MAP4: variants seen among roughly 807,000 people sequenced by gnomAD.
MAP4 encodes the protein microtubule associated protein 4.
Under a neutral mutation model 170.2 loss-of-function variants are expected in MAP4, and 76 were observed. The ratio of observed to expected loss-of-function variants is 0.45; its 90% confidence interval spans 0.37 to 0.54. The LOEUF (loss-of-function observed/expected upper bound fraction) is 0.54, where lower values mean the gene tolerates loss of function less well. MAP4 is among the 20% of genes least tolerant of loss of function. The pLI is 0.00. For missense variants in MAP4, 2,506 were observed against 2,748.0 expected (o/e 0.91, Z 1.97); for synonymous variants, 909 against 994.5 (o/e 0.91, Z 1.62).
intron 1 of MAP4, among the ~76,000 whole-genome samples, chr3:48,056,540 C>T (rs1159967676): frequency 4.7e-5 from 4 of 84,370 alleles, no homozygotes; most frequent in African/African-American, 3.0e-4. Context: ...AGGTGAGGGG[C>T]GCCTCTGCCC....
intron 10 of MAP4, among the ~76,000 whole-genome samples, chr3:47,888,505 G>C (rs1397090209): frequency 6.6e-6 from 1 of 151,870 alleles, no homozygotes; most frequent in African/African-American, 2.4e-5. Flanking sequence ...TCACTGCCAA[G>C]GTCTGCAGCT....
intron 2 of MAP4, 31 bp from the exon 3 acceptor site, chr3:47,977,964 G>A (rs1258363700): frequency 6.8e-7 from 1 of 1,467,698 alleles, no homozygotes; most frequent in Admixed American, 1.7e-5. Flanking sequence ...TACCCATTGT[G>A]ACAGACAGAA....
intron 4 of MAP4, among the ~76,000 whole-genome samples, chr3:47,924,926 T>A (rs1325512554): frequency 1.3e-5 from 2 of 152,072 alleles, no homozygotes; most frequent in Admixed American, 1.3e-4. Context: ...TTCTCCTGCC[T>A]CAGCTTCCCG....
chr3:47,877,228 AT>A, intron 11 of MAP4, 188 bp downstream of exon 11: 1 of 541,432 alleles, frequency 1.8e-6, no homozygotes, highest in East Asian at 3.3e-5. Flanking sequence ...AAAGGCTGAG[AT>A]TTTAAAGTTG....
intron 3 of MAP4, among the ~76,000 whole-genome samples, chr3:47,930,886 G>A (rs1040956441): frequency 1.4e-5 from 2 of 147,266 alleles, no homozygotes; most frequent in South Asian, 2.1e-4. Flanking sequence ...CGGAGATCAC[G>A]CCACTGCACT....
At chr3:48,086,018 C>T (rs2100148797) in intron 1 of MAP4, among the ~76,000 whole-genome samples, 1 of 152,000 alleles carries the variant, frequency 6.6e-6, no homozygotes, top group African/African-American at 2.4e-5. Flanking sequence ...TGCCACTGCA[C>T]TCCAGCCTGG....
At chr3:47,892,664 T>A in intron 10 of MAP4, 2 of 1,358,966 alleles carry the variant, frequency 1.5e-6, no homozygotes. Flanking sequence ...CACTTACAAA[T>A]GTGAAAGAAA....
chr3:47,948,580 C>A (rs2100061643), intron 3 of MAP4, among the ~76,000 whole-genome samples: 1 of 151,930 alleles, frequency 6.6e-6, no homozygotes, highest in Non-Finnish European at 1.5e-5. Flanking sequence ...CAAACACATA[C>A]CAAGTCATCA....
At chr3:47,999,287 A>C (rs1247660981) in intron 1 of MAP4, among the ~76,000 whole-genome samples, 1 of 152,196 alleles carries the variant, frequency 6.6e-6, no homozygotes, top group Admixed American at 6.5e-5. Context: ...TCTTGACCAA[A>C]GACTGTGAGT....
chr3:47,938,578 CT>C (rs767128170), intron 3 of MAP4, among the ~76,000 whole-genome samples: 1 of 152,058 alleles, frequency 6.6e-6, no homozygotes, highest in Non-Finnish European at 1.5e-5. Context: ...GAGACAGGGT[CT>C]CCATACATTG....
intron 3 of MAP4, among the ~76,000 whole-genome samples, chr3:47,929,286 G>A (rs2100047943): frequency 6.6e-6 from 1 of 152,090 alleles, no homozygotes; most frequent in African/African-American, 2.4e-5. Context: ...ACCTGGGAGT[G>A]GGAAGGTTGC....
At position 47,897,189 on chromosome 3, in the gene MAP4, T is replaced by G. The variant is rs565203875; in HGVS notation, c.5434+5761A>C. 3.3e-5 allele frequency among the ~76,000 whole-genome samples: 5 copies of G among 152,286 alleles called. No homozygotes were observed. The South Asian group carries it at 1.0e-3, about 32-fold the overall frequency. ...TTGCCCAGGCTGGAGTGCAGTGGCATGATCTCGGCTAACTACAACCTCTGC... is the reference window on the plus strand; with the variant it reads ...TTGCCCAGGCTGGAGTGCAGTGGCAGGATCTCGGCTAACTACAACCTCTGC... On this transcript the variant is annotated intron_variant, in intron 10 of 20. Transcript: ENST00000683076.
chr3:47,916,360 G>A lies in MAP4; in HGVS notation c.1467C>T (p.Ala489=), dbSNP rs1230936608. The A allele has an allele frequency of 3.7e-6, 6 of 1,614,196 alleles. No homozygotes were observed. Among genetic ancestry groups the A allele is most frequent in the African/African-American group, 1.3e-5 (1 of 75,062 alleles). Residue 489 remains alanine (A), a synonymous_variant, in exon 7 of 21, where the codon GCC becomes GCT. Transcript: ENST00000683076. ...TTACTGTGGACGGAGCCACATCCTT[G>A]GCCGGGGCTATTTCTGTTTCTGGGA... is the stretch of plus-strand genomic sequence containing the variant. The part of the protein sequence containing the change: ...AQLPETEIAP[A]KDVAPSTVKE...
intron 3 of MAP4, among the ~76,000 whole-genome samples, chr3:47,964,345 G>A (rs2100073524): frequency 1.3e-5 from 2 of 152,222 alleles, no homozygotes; most frequent in African/African-American, 4.8e-5. Context: ...GTGGTGAGAT[G>A]TGGTCAGGTT....
At chr3:47,854,554 C>T (rs2051050960) in intron 19 of MAP4, among the ~76,000 whole-genome samples, 1 of 152,212 alleles carries the variant, frequency 6.6e-6, no homozygotes, top group South Asian at 2.1e-4. Context: ...CCTCATGGGC[C>T]CCCCACCCAC....
intron 2 of MAP4, among the ~76,000 whole-genome samples, chr3:47,996,484 GA>G (rs1378864885): frequency 6.6e-6 from 1 of 152,140 alleles, no homozygotes; most frequent in Non-Finnish European, 1.5e-5. Context: ...GGTACACAGG[GA>G]AGGCTGAAAG....
At chr3:48,001,573 C>G (rs1464627007) in intron 1 of MAP4, among the ~76,000 whole-genome samples, 5 of 152,146 alleles carry the variant, frequency 3.3e-5, no homozygotes, top group Non-Finnish European at 7.3e-5. Context: ...AGTCTTGCCT[C>G]ACTGCAACCT....
Position 47,852,664 on chromosome 3 carries a change from G to A in MAP4, c.*270C>T, listed in dbSNP as rs2044849840. 3 of 1,301,766 alleles carry A rather than the reference G, an allele frequency of 2.3e-6. No homozygotes were observed. The highest frequency in any genetic ancestry group is 2.5e-5 in the East Asian group (1 of 39,440). The allele number at this position is 1,301,766 out of a possible 1,614,324, so 80.6% of individuals were successfully genotyped here. A position where few individuals can be genotyped will look rare whatever the true frequency, so the allele number is the denominator to read the frequency against. On this transcript the variant is annotated 3_prime_UTR_variant, in exon 21 of 21. Coordinates refer to ENST00000683076, the MANE Select transcript of MAP4 (RefSeq NM_001385682.1). ...GCAGTGATGGGGCAAGACCAAAGCA[G>A]GGAGATGGGCCCAGGCTGGGGAGTG...
At chr3:47,861,007 T>A (rs2064761126) in intron 17 of MAP4, among the ~76,000 whole-genome samples, 1 of 152,086 alleles carries the variant, frequency 6.6e-6, no homozygotes. Context: ...GTGGATCATT[T>A]GAGGTCAGGA....
Sources: allele counts gnomAD v4.1 joint callset (sites outside exome capture counted in the v4.1 genomes callset), GRCh38; gene constraint gnomAD v4.1.1; transcripts MANE v1.5; gene names NCBI Gene and HGNC (gene_info 2026-07-23, HGNC 2026-07-21).